Variants in IL1RAPL2 observed in about 807,000 individuals in gnomAD.
IL1RAPL2 encodes the protein X-linked interleukin-1 receptor accessory protein-like 2.
IL1RAPL2 carries 3 observed loss-of-function variants against 44.1 expected under a neutral mutation model. That is an observed-to-expected ratio of 0.07 (90% CI 0.03 to 0.18). IL1RAPL2 has a LOEUF of 0.18. Ranked by LOEUF, IL1RAPL2 falls within the 10% of genes least tolerant of loss-of-function variation. The probability of loss-of-function intolerance (pLI) is 1.00; values close to 1 mark genes in which losing one functional copy is unlikely to be tolerated. For synonymous variants in IL1RAPL2, 181 were observed against 178.8 expected, an observed-to-expected ratio of 1.01 and a Z score of -0.10; for missense variants, 391 against 496.4, an observed-to-expected ratio of 0.79 and a Z score of 2.02.
In IL1RAPL2 at chrX:105,747,329, C is replaced by T. The variant is rs751097995; in HGVS notation, c.1049-1631C>T. On this transcript the variant is annotated intron_variant, in intron 8 of 10. Coordinates refer to ENST00000372582, the MANE Select transcript of IL1RAPL2 (RefSeq NM_017416.2). ...AATATTCCTTGTTGGCATATTTTGT[C>T]CTTCACAGCAGCCCCACTCTCTTCC... Among the ~76,000 whole-genome samples, 170 of 108,100 alleles carry T rather than the reference C, an allele frequency of 1.6e-3. 1 individual carries two copies. Among genetic ancestry groups the T allele is most frequent in the Non-Finnish European group, 2.8e-3 (148 of 52,195 alleles). The allele number at this position is 108,100 out of a possible 115,157, so 93.9% of individuals were successfully genotyped here.
At chrX:105,139,071 A>G (rs1414000254) in intron 2 of IL1RAPL2, among the ~76,000 whole-genome samples, 1 of 111,905 alleles carries the variant, frequency 8.9e-6, no homozygotes, top group Non-Finnish European at 1.9e-5. Flanking sequence ...CGTTTACCAT[A>G]CATAAGGGGT....
At chrX:104,876,122 T>C (rs1330996097) in intron 2 of IL1RAPL2, among the ~76,000 whole-genome samples, 1 of 111,400 alleles carries the variant, frequency 9.0e-6, no homozygotes, top group East Asian at 2.8e-4. Flanking sequence ...CTACTACCTC[T>C]ACTTTTAATT....
At chrX:104,854,064 G>C (rs1046113701) in intron 2 of IL1RAPL2, among the ~76,000 whole-genome samples, 1 of 111,725 alleles carries the variant, frequency 9.0e-6, no homozygotes, top group Admixed American at 9.5e-5. Context: ...TGATGCTTTA[G>C]GAAGGGTTGT....
At chrX:105,590,873 G>T (rs1304942042) in intron 6 of IL1RAPL2, among the ~76,000 whole-genome samples, 1 of 108,391 alleles carries the variant, frequency 9.2e-6, no homozygotes, top group African/African-American at 3.4e-5. Context: ...GTGTGTGTGT[G>T]TGTGTGTGTG....
At chrX:105,690,068 G>A (rs2038022497) in intron 6 of IL1RAPL2, among the ~76,000 whole-genome samples, 1 of 110,382 alleles carries the variant, frequency 9.1e-6, no homozygotes, top group African/African-American at 3.3e-5. Flanking sequence ...GGGCCTGTTG[G>A]AGGATGGGGG....
At chrX:105,082,907 A>G (rs1259924969) in intron 2 of IL1RAPL2, among the ~76,000 whole-genome samples, 1 of 111,281 alleles carries the variant, frequency 9.0e-6, no homozygotes, top group East Asian at 2.8e-4. Context: ...CCAAAGGATC[A>G]CAACTCCTCG....
chrX:104,906,100 C>G (rs1923991817), intron 2 of IL1RAPL2, among the ~76,000 whole-genome samples: 1 of 109,273 alleles, frequency 9.2e-6, no homozygotes, highest in Non-Finnish European at 1.9e-5. Context: ...ATTTGGCTCT[C>G]TGTTTGTCTG....
At position 105,646,357 on chromosome X, in the gene IL1RAPL2, T is replaced by C. The variant is rs1443653033; in HGVS notation, c.773-71010T>C. On this transcript the variant is annotated intron_variant, in intron 6 of 10. Transcript: ENST00000372582. Reference sequence around the variant, plus strand: ...AGGAAGGGCAAAGGCTTATAATTAATATTCTTTTTCTTAATGGTTGTAATA... The same window carrying C: ...AGGAAGGGCAAAGGCTTATAATTAACATTCTTTTTCTTAATGGTTGTAATA... 3.6e-5 allele frequency among the ~76,000 whole-genome samples: 4 copies of C among 112,055 alleles called. No homozygotes were observed. In the East Asian group the frequency reaches 1.1e-3, roughly 31 times the overall value.
At chrX:104,691,096 G>C (rs1199667400) in intron 2 of IL1RAPL2, among the ~76,000 whole-genome samples, 2 of 112,208 alleles carry the variant, frequency 1.8e-5, no homozygotes, top group African/African-American at 6.5e-5. Flanking sequence ...TAGATTGTAA[G>C]ATCTGCAATC....
intron 2 of IL1RAPL2, among the ~76,000 whole-genome samples, chrX:104,859,329 A>G (rs1402221368): frequency 1.8e-5 from 2 of 111,536 alleles, no homozygotes; most frequent in Non-Finnish European, 3.8e-5. Flanking sequence ...TGACACAGAA[A>G]CACCTTTAAT....
chrX:105,110,421 T>C (rs750129366), intron 2 of IL1RAPL2, among the ~76,000 whole-genome samples: 10 of 112,017 alleles, frequency 8.9e-5, no homozygotes, highest in Non-Finnish European at 1.7e-4. Context: ...GTGAATACAA[T>C]AGCCACACAT....
chrX:105,130,213 A>G (rs1423934177), intron 2 of IL1RAPL2, among the ~76,000 whole-genome samples: 6 of 111,332 alleles, frequency 5.4e-5, no homozygotes, highest in African/African-American at 2.0e-4. Context: ...CCACTATTCC[A>G]GTGCTCCTCA....
At chrX:104,667,937 T>A (rs1262880119) in intron 2 of IL1RAPL2, among the ~76,000 whole-genome samples, 2 of 111,619 alleles carry the variant, frequency 1.8e-5, no homozygotes, top group Non-Finnish European at 3.8e-5. Context: ...TAGGGAAGGC[T>A]TCATGGGACA....
At chrX:105,052,515 A>G (rs761402793) in intron 2 of IL1RAPL2, among the ~76,000 whole-genome samples, 54 of 112,035 alleles carry the variant, frequency 4.8e-4, no homozygotes, top group Non-Finnish European at 8.1e-4. Flanking sequence ...GCAAAAGACT[A>G]TACCGTGAGC....
At chrX:104,864,494 T>G (rs1922565726) in intron 2 of IL1RAPL2, among the ~76,000 whole-genome samples, 1 of 112,379 alleles carries the variant, frequency 8.9e-6, no homozygotes, top group Non-Finnish European at 1.9e-5. Context: ...CTGGACTGTT[T>G]ACTCAGTTGG....
intron 2 of IL1RAPL2, among the ~76,000 whole-genome samples, chrX:105,029,324 A>G (rs1249848450): frequency 9.5e-6 from 1 of 105,236 alleles, no homozygotes; most frequent in Non-Finnish European, 2.0e-5. Flanking sequence ...ATATGTATAC[A>G]TGTGCCATGT....
intron 2 of IL1RAPL2, among the ~76,000 whole-genome samples, chrX:104,892,205 T>C (rs1302574818): frequency 2.7e-5 from 3 of 111,947 alleles, no homozygotes; most frequent in Non-Finnish European, 5.6e-5. Context: ...GCCAGTATTT[T>C]ATTGAGGATT....
chrX:105,273,024 G>C (rs1352642949), intron 5 of IL1RAPL2, among the ~76,000 whole-genome samples: 2 of 111,318 alleles, frequency 1.8e-5, no homozygotes, highest in African/African-American at 6.5e-5. Flanking sequence ...TAGCAATATG[G>C]TGGAGAGTTG....
intron 2 of IL1RAPL2, among the ~76,000 whole-genome samples, chrX:104,932,003 T>A (rs1387886518): frequency 9.7e-6 from 1 of 102,656 alleles, no homozygotes; most frequent in African/African-American, 3.5e-5. Context: ...TATATTTTTT[T>A]TTTTTTGAGA....
Sources: gnomAD v4.1 joint callset for allele counts (sites outside exome capture counted in the v4.1 genomes callset) on GRCh38, gnomAD v4.1.1 for gene constraint, MANE v1.5 for transcripts, NCBI Gene and HGNC (gene_info 2026-07-23, HGNC 2026-07-21) for gene names.